Variants in PFKFB2 observed in about 807,000 individuals in gnomAD.
The protein encoded by PFKFB2 is 6-phosphofructo-2-kinase/fructose-2,6-biphosphatase 2.
PFKFB2 carries 53 observed loss-of-function variants against 68.0 expected under a neutral mutation model. That is an observed-to-expected ratio of 0.78 (90% CI 0.63 to 0.98). The LOEUF (loss-of-function observed/expected upper bound fraction) is 0.98, where lower values mean the gene tolerates loss of function less well. Among genes scored for constraint, PFKFB2 ranks in the 50% least tolerant of loss-of-function variants. PFKFB2 has a pLI of 0.00. For synonymous variants in PFKFB2, 222 were observed against 227.6 expected (o/e 0.98, Z 0.22); for missense variants, 451 against 642.0 (o/e 0.70, Z 3.22).
At chr1:207,054,865 T>G in intron 2 of PFKFB2, 63 bp downstream of exon 2, 2 of 1,172,510 alleles carry the variant, frequency 1.7e-6, no homozygotes, top group Non-Finnish European at 2.5e-6. Context: ...AATATAGTTA[T>G]AATCCTGGAC....
At chr1:207,051,762 A>G (rs563301068), upstream of PFKFB2, among the ~76,000 whole-genome samples, 4 of 152,382 alleles carry the variant, frequency 2.6e-5, no homozygotes, top group African/African-American at 9.6e-5. Context: ...TGAGACACAC[A>G]GCCACTGAAT....
chr1:207,042,362 C>G (rs191928369), intron 2 of PFKFB2: 1 of 151,810 alleles, frequency 6.6e-6, no homozygotes, highest in African/African-American at 2.4e-5. Flanking sequence ...TCCTGGCTAA[C>G]GTGGTGAAAC....
chr1:207,046,069 G>C (rs1367582524), intron 2 of PFKFB2: 1 of 152,064 alleles, frequency 6.6e-6, no homozygotes, highest in Admixed American at 6.5e-5. Context: ...TTATTCAGGA[G>C]TGAATCTTCA....
intron 2 of PFKFB2, among the ~76,000 whole-genome samples, chr1:207,058,445 A>G (rs1682992965): frequency 6.6e-6 from 1 of 152,234 alleles, no homozygotes; most frequent in South Asian, 2.1e-4. Context: ...AGGAGCTGGC[A>G]GCTGGGACTG....
Position 207,062,638 on chromosome 1 carries a change from A to T in PFKFB2, c.230A>T (p.Tyr77Phe). 1 of 1,614,104 alleles carries T rather than the reference A, an allele frequency of 6.2e-7. No individual in the cohort carries two copies. The highest frequency in any genetic ancestry group is 8.5e-7 in the Non-Finnish European group (1 of 1,179,994). Residue 77 changes from tyrosine (Y) to phenylalanine (F), a missense_variant, in exon 4 of 15, where the codon TAT (tyrosine) becomes TTT (phenylalanine). Transcript: ENST00000367080. ...TCTACAGTGTTTAATCTTGGGGTGT[A>T]TCGGCGTGAAGCAGTCAAGTCCTAT... ...VPTKVFNLGV[Y>F]RREAVKSYKS...
rs199714014 is a variant in PFKFB2, at chr1:207,063,875, G to T, written c.507+46G>T. Reference sequence around the variant, plus strand: ...TCATCTCCTCTTCACCTTTTGTGCTGTGTGTGTTGTGGGGTGTGTGTGTGT... The same window carrying T: ...TCATCTCCTCTTCACCTTTTGTGCTTTGTGTGTTGTGGGGTGTGTGTGTGT... On this transcript the variant is annotated intron_variant, in intron 7 of 14. Transcript: ENST00000367080. The surrounding 1 kb of genome is among the most constrained non-coding windows in gnomAD (Gnocchi z 4.1). The T allele has an allele frequency of 1.4e-6, 2 of 1,447,778 alleles. No homozygotes were observed. The highest frequency in any genetic ancestry group is 3.4e-5 in the Admixed American group (2 of 59,474). 89.7% of individuals were successfully genotyped at this position (1,447,778 alleles called of 1,614,324 possible).
chr1:207,076,252 CTTTTTTTTTTT>C lies in PFKFB2; in HGVS notation c.*3887_*3897del, dbSNP rs568062478. The C allele has an allele frequency of 1.7e-5, 15 of 870,940 alleles. No individual in the cohort carries two copies. The highest frequency in any genetic ancestry group is 5.4e-5 in the South Asian group (1 of 18,572). The allele number at this position is 870,940 out of a possible 1,614,324, so 54.0% of individuals were successfully genotyped here. A position where few individuals can be genotyped will look rare whatever the true frequency, so the allele number is the denominator to read the frequency against. ...AATTCATCTATGTTACTTTTTTTTT[CTTTTTTTTTTT>C]TTTTTATGAGCAGGAGATCTTAATT... is the stretch of plus-strand genomic sequence containing the variant. On this transcript the variant is annotated 3_prime_UTR_variant, in exon 15 of 15. Coordinates refer to ENST00000367080, the MANE Select transcript of PFKFB2 (RefSeq NM_006212.2).
At chr1:207,067,338 A>G (rs1683320779) in intron 8 of PFKFB2, among the ~76,000 whole-genome samples, 161 bp from the exon 9 acceptor site, 1 of 152,204 alleles carries the variant, frequency 6.6e-6, no homozygotes. Flanking sequence ...TTTAAGGAGT[A>G]ATTAATCTCC....
In PFKFB2 at chr1:207,070,973, C is replaced by T. The variant is rs536286053; in HGVS notation, c.1223-215C>T. ...CTACAATACTTCCTGTTTTTGCCTG[C>T]GTGGAAGGATCTAAGATGGCCTTAT... On this transcript the variant is annotated intron_variant, in intron 12 of 14. Transcript: ENST00000367080. This position sits in a 1 kb window ranked among gnomAD's most constrained non-coding sequence, Gnocchi z 4.2. Among the ~76,000 whole-genome samples the T allele has an allele frequency of 6.6e-5, 10 of 152,150 alleles. No homozygotes were observed. The South Asian group carries it at 1.9e-3, about 28-fold the overall frequency.
intron 1 of PFKFB2, among the ~76,000 whole-genome samples, chr1:207,053,783 A>G (rs1050007232): frequency 2.0e-5 from 3 of 151,884 alleles, no homozygotes. Flanking sequence ...GCACTAGAGG[A>G]GAAATGACGA....
At chr1:207,079,027 G>T, downstream of PFKFB2, 1 of 1,607,502 alleles carries the variant, frequency 6.2e-7, no homozygotes, top group Non-Finnish European at 8.5e-7. Context: ...TAATGATGTG[G>T]ATGTTCAGGC....
rs533323322 is a variant in PFKFB2 at position 207,077,408 on chromosome 1, G to A, written c.*5037G>A. 1.1e-5 allele frequency: 11 copies of A among 985,106 alleles called. No homozygotes were observed. The East Asian group carries it at 4.5e-4, about 41-fold the overall frequency. The allele number at this position is 985,106 out of a possible 1,614,324, so 61.0% of individuals were successfully genotyped here. A position where few individuals can be genotyped will look rare whatever the true frequency, so the allele number is the denominator to read the frequency against. ...ATATCTGTGACCAATGTTTACCTAC[G>A]CAATGTTTTTGTATCTGAATTGCTT... On this transcript the variant is annotated 3_prime_UTR_variant, in exon 15 of 15. Coordinates refer to ENST00000367080, the MANE Select transcript of PFKFB2 (RefSeq NM_006212.2).
At position 207,068,149 on chromosome 1, in the gene PFKFB2, T is replaced by C. The variant is rs1683356433; in HGVS notation, c.841-14T>C. On this transcript the variant is annotated splice_polypyrimidine_tract_variant and intron_variant, in intron 9 of 14. Transcript: ENST00000367080. ...GTTTTCTTTTTACCCTTAATTTTCA[T>C]TTTTAAACCCCAGTTTGCCCAAGCT... The C allele has an allele frequency of 6.2e-7, 1 of 1,600,884 alleles. No homozygotes were observed. Among genetic ancestry groups the C allele is most frequent in the Non-Finnish European group, 8.5e-7 (1 of 1,174,252 alleles).
rs1027985026 is a variant in PFKFB2 at position 207,064,933 on chromosome 1, A to T, written c.508-103A>T. On this transcript the variant is annotated intron_variant, in intron 7 of 14. Coordinates refer to ENST00000367080, the MANE Select transcript of PFKFB2 (RefSeq NM_006212.2). ...AGTGCCAATGTTCCAGTGAAAGGCG[A>T]CATTTATGGACTTCTTTTTCTTTTT... 3 of 1,336,832 alleles carry T rather than the reference A, an allele frequency of 2.2e-6. No individual in the cohort carries two copies. The Admixed American group carries it at 6.4e-5, about 29-fold the overall frequency. 82.8% of individuals were successfully genotyped at this position (1,336,832 alleles called of 1,614,324 possible).
In PFKFB2 at chr1:207,064,412, GA is replaced by G. The variant is rs371421847; in HGVS notation, c.507+595del. 2.7e-3 allele frequency among the ~76,000 whole-genome samples: 370 copies of G among 136,834 alleles called. 1 individual carries two copies. Among genetic ancestry groups the G allele is most frequent in the Non-Finnish European group, 3.6e-3 (225 of 62,002 alleles). The allele number at this position is 136,834 out of a possible 152,430, so 89.8% of individuals were successfully genotyped here. A position where few individuals can be genotyped will look rare whatever the true frequency, so the allele number is the denominator to read the frequency against. The stretch of plus-strand genomic sequence containing the variant: ...CAGAGTGAGAACATGTCTCAAAAAA[GA>G]AAAAAAAAAAAGAATAGATCAGACT... On this transcript the variant is annotated intron_variant, in intron 7 of 14. Coordinates refer to ENST00000367080, the MANE Select transcript of PFKFB2 (RefSeq NM_006212.2).
At position 207,062,026 on chromosome 1, in the gene PFKFB2, C is replaced by T. The variant is rs759693090; in HGVS notation, c.159C>T (p.Tyr53=). The change falls in exon 3 of 15, where the codon TAC becomes TAT. Residue 53 remains tyrosine, a synonymous_variant. Transcript: ENST00000367080. The stretch of plus-strand genomic sequence containing the variant: ...GTTTGCCAGCCCGGGGTAAAACCTA[C>T]GTGTCCAAGAAACTAACACGCTACC... The part of the protein sequence containing the change: ...MIGLPARGKT[Y]VSKKLTRYLN... 60 of 1,614,024 alleles carry T rather than the reference C, an allele frequency of 3.7e-5. No homozygotes were observed. Among genetic ancestry groups the T allele is most frequent in the South Asian group, 2.4e-4 (22 of 91,086 alleles).
At chr1:207,057,821 T>A (rs1372820819) in intron 2 of PFKFB2, among the ~76,000 whole-genome samples, 1 of 152,250 alleles carries the variant, frequency 6.6e-6, no homozygotes, top group Admixed American at 6.5e-5. Context: ...TTAATGTTGA[T>A]AAATGCAGAT....
At chr1:207,080,047 G>A (rs1291237479), downstream of PFKFB2, 2 of 152,124 alleles carry the variant, frequency 1.3e-5, no homozygotes, top group African/African-American at 4.8e-5. Flanking sequence ...AGGGTGGCGG[G>A]GTCATGGACC....
In PFKFB2 at chr1:207,070,012, GA is replaced by G. The variant is rs1182297641; in HGVS notation, c.1093-262del. On this transcript the variant is annotated intron_variant, in intron 11 of 14. Coordinates refer to ENST00000367080, the MANE Select transcript of PFKFB2 (RefSeq NM_006212.2). This position sits in a 1 kb window ranked among gnomAD's most constrained non-coding sequence, Gnocchi z 4.2. ...CACTGCCTGTATTAATCTGTGGGAA[GA>G]AAAAACACACACACACAGGTTGAAC... 8.1e-6 allele frequency among the ~76,000 whole-genome samples: 1 copy of G among 123,072 alleles called. No individual in the cohort carries two copies. Among genetic ancestry groups the G allele is most frequent in the Non-Finnish European group, 1.9e-5 (1 of 52,218 alleles). The allele number at this position is 123,072 out of a possible 152,430, so 80.7% of individuals were successfully genotyped here. A position where few individuals can be genotyped will look rare whatever the true frequency, so the allele number is the denominator to read the frequency against.
Sources: allele counts gnomAD v4.1 joint callset (sites outside exome capture counted in the v4.1 genomes callset), GRCh38; gene constraint gnomAD v4.1.1; non-coding constraint Gnocchi (gnomAD v3.1); transcripts MANE v1.5; gene names NCBI Gene and HGNC (gene_info 2026-07-23, HGNC 2026-07-21).